RGN: variants seen among roughly 807,000 people sequenced by gnomAD.
The protein encoded by RGN is regucalcin.
Under a neutral mutation model 20.6 loss-of-function variants are expected in RGN, and 19 were observed. That is an observed-to-expected ratio of 0.92 (90% CI 0.64 to 1.35). RGN has a LOEUF of 1.35. Ranked by LOEUF, RGN falls within the 40% of genes most tolerant of loss-of-function variation. The probability of loss-of-function intolerance (pLI) is 0.00; values close to 1 mark genes in which losing one functional copy is unlikely to be tolerated. For missense variants in RGN, 302 were observed against 232.7 expected, an observed-to-expected ratio of 1.30 and a Z score of -1.94; for synonymous variants, 85 against 87.2, an observed-to-expected ratio of 0.97 and a Z score of 0.14.
rs1235749910 is a variant in RGN at position 47,080,895 on chromosome X, T to G, written c.-57T>G. 3.1e-6 allele frequency: 1 copy of G among 327,646 alleles called. No individual in the cohort carries two copies. Among genetic ancestry groups the G allele is most frequent in the Non-Finnish European group, 5.3e-6 (1 of 189,677 alleles). The allele number at this position is 327,646 out of a possible 1,213,427, so 27.0% of individuals were successfully genotyped here. A position where few individuals can be genotyped will look rare whatever the true frequency, so the allele number is the denominator to read the frequency against. On this transcript the variant is annotated 5_prime_UTR_variant, in exon 2 of 8. Coordinates refer to ENST00000397180, the MANE Select transcript of RGN (RefSeq NM_152869.4). Reference sequence around the variant, plus strand: ...GGAGTGGAGGTCAGAGTGTCACTTTTTTGTTTTCTTTTTGAAAGATCATTC... The same window carrying G: ...GGAGTGGAGGTCAGAGTGTCACTTTGTTGTTTTCTTTTTGAAAGATCATTC...
At chrX:47,090,956 G>GAAGGAAGGAAAGAA (rs1569540755) in intron 5 of RGN, among the ~76,000 whole-genome samples, 3 of 52,503 alleles carry the variant, frequency 5.7e-5, no homozygotes, top group East Asian at 7.8e-4. Context: ...AAGAAAGAAA[G>GAAGGAAGGAAAGAA]AAAGAAAGAA....
At chrX:47,086,734 G>GGAGAGAGACAGA in intron 4 of RGN, among the ~76,000 whole-genome samples, 1 of 50,501 alleles carries the variant, frequency 2.0e-5, no homozygotes, top group South Asian at 1.3e-3. Flanking sequence ...AGTGATAACA[G>GGAGAGAGACAGA]GAGAGAGAGA....
At chrX:47,084,053 G>A (rs781876971) in intron 3 of RGN, among the ~76,000 whole-genome samples, 19 of 110,978 alleles carry the variant, frequency 1.7e-4, no homozygotes, top group Admixed American at 7.8e-4. Context: ...GGCATCACTC[G>A]CTCTGTGATG....
chrX:47,083,927 A>AC (rs1930465854), intron 3 of RGN, among the ~76,000 whole-genome samples: 3 of 110,231 alleles, frequency 2.7e-5, no homozygotes, highest in African/African-American at 9.9e-5. Context: ...AAAACAAACA[A>AC]AAAAAAAAAT....
At chrX:47,078,881 C>G (rs1350443453) in intron 1 of RGN, among the ~76,000 whole-genome samples, 172 bp downstream of exon 1, 4 of 109,305 alleles carry the variant, frequency 3.7e-5, no homozygotes, top group African/African-American at 1.3e-4. Context: ...AAAAGTCGTG[C>G]CACTGCTCTT....
rs781961740 is a variant in RGN at position 47,089,950 on chromosome X, C to T, written c.521C>T (p.Ser174Phe). ...TATTACATTGACAGCCTGTCCTACT[C>T]CGTGGATGCCTTTGACTATGACCTG... ...IFYYIDSLSY[S>F]VDAFDYDLQT... The change falls in exon 5 of 8, where the codon TCC becomes TTC. Residue 174 changes from serine (S) to phenylalanine (F), a missense_variant. Physicochemically the swap from Ser to Phe is radical, Grantham distance 155. Coordinates refer to ENST00000397180, the MANE Select transcript of RGN (RefSeq NM_152869.4). 1 of 1,204,335 alleles carries T rather than the reference C, an allele frequency of 8.3e-7. No homozygotes were observed. The highest frequency in any genetic ancestry group is 1.8e-5 in the African/African-American group (1 of 56,768).
intron 5 of RGN, among the ~76,000 whole-genome samples, chrX:47,090,797 G>A (rs915788714): frequency 1.9e-5 from 2 of 105,650 alleles, no homozygotes; most frequent in Non-Finnish European, 3.9e-5. Flanking sequence ...CGGGAGGCAG[G>A]GGTTGCAGTG....
chrX:47,090,915 G>GAAAGAAAGAA lies in RGN; in HGVS notation c.563-763_563-762insAAAGAAAGAA, dbSNP rs1172006104. Among the ~76,000 whole-genome samples, 8 of 51,893 alleles carry GAAAGAAAGAA rather than the reference G, an allele frequency of 1.5e-4. No individual in the cohort carries two copies. In the East Asian group the frequency reaches 2.2e-3, roughly 14 times the overall value. The allele number at this position is 51,893 out of a possible 115,157, so 45.1% of individuals were successfully genotyped here. Reference sequence around the variant, plus strand: ...GAAGAAAGAAAGAAAGAAAGAAGAAGGAAAGAAAGAAAGAAAGAAAGAAAG... The same window carrying GAAAGAAAGAA: ...GAAGAAAGAAAGAAAGAAAGAAGAAGAAAGAAAGAAGAAAGAAAGAAAGAAAGAAAGAAAG... On this transcript the variant is annotated intron_variant, in intron 5 of 7. Coordinates refer to ENST00000397180, the MANE Select transcript of RGN (RefSeq NM_152869.4).
rs1491536743 is a variant in RGN at position 47,079,357 on chromosome X, T to TG, written c.-636+648_-636+649insG. ...GTTTGGGCTGAGGTTTTTTTGTTTG[T>TG]TTTTTTTTTTGTTTTGTTTTGGTTT... is the stretch of plus-strand genomic sequence containing the variant. On this transcript the variant is annotated intron_variant, in intron 1 of 7. Transcript: ENST00000397180. 1.7e-4 allele frequency among the ~76,000 whole-genome samples: 4 copies of TG among 23,712 alleles called. No individual in the cohort carries two copies. The African/African-American group carries it at 1.8e-3, about 11-fold the overall frequency. 20.6% of individuals were successfully genotyped at this position (23,712 alleles called of 115,157 possible). A position where few individuals can be genotyped will look rare whatever the true frequency, so the allele number is the denominator to read the frequency against.
At chrX:47,083,671 G>C (rs1161528546) in intron 3 of RGN, among the ~76,000 whole-genome samples, 2 of 112,107 alleles carry the variant, frequency 1.8e-5, no homozygotes, top group East Asian at 5.6e-4. Flanking sequence ...AACACTTTGT[G>C]AGGCCAAGGC....
intron 4 of RGN, among the ~76,000 whole-genome samples, 178 bp from the exon 5 acceptor site, chrX:47,089,598 T>TATAC (rs1411726377): frequency 2.4e-4 from 17 of 69,992 alleles, no homozygotes; most frequent in East Asian, 1.3e-3. Context: ...TATATATATA[T>TATAC]ACACACACAC....
Position 47,091,881 on chromosome X carries a change from A to ATT in RGN, c.694+74_694+75dup, listed in dbSNP as rs1262787831. On this transcript the variant is annotated intron_variant, in intron 6 of 7. Coordinates refer to ENST00000397180, the MANE Select transcript of RGN (RefSeq NM_152869.4). ...ATATAGCCCGAAAGTTACAGTCAGAATTTCTTTTCCTGTAGAGGTGCGACT... is the reference window on the plus strand; with the variant it reads ...ATATAGCCCGAAAGTTACAGTCAGAATTTTTCTTTTCCTGTAGAGGTGCGACT... 6.2e-6 allele frequency: 7 copies of ATT among 1,134,415 alleles called. No individual in the cohort carries two copies. The Admixed American group carries it at 1.1e-4, about 18-fold the overall frequency. The allele number at this position is 1,134,415 out of a possible 1,213,427, so 93.5% of individuals were successfully genotyped here. A position where few individuals can be genotyped will look rare whatever the true frequency, so the allele number is the denominator to read the frequency against.
At chrX:47,082,303 CTTTTTTTTT>C (rs11286766) in intron 3 of RGN, among the ~76,000 whole-genome samples, 1 of 59,259 alleles carries the variant, frequency 1.7e-5, no homozygotes, top group African/African-American at 6.6e-5. Context: ...GGGACCTCAA[CTTTTTTTTT>C]TTTTTTTTTT....
chrX:47,084,313 C>G (rs781819501), intron 3 of RGN, 105 bp from the exon 4 acceptor site: 10 of 661,750 alleles, frequency 1.5e-5, no homozygotes, highest in Non-Finnish European at 2.2e-6. Flanking sequence ...CCCATTGTCA[C>G]GAGAGCTGGG....
chrX:47,081,286 C>A lies in RGN; in HGVS notation c.142C>A (p.Gln48Lys). ...KVCRWDSFTK[Q>K]VQRVTMDAPV... ...TTGCCGGTGGGATTCATTCACCAAG[C>A]AAGTACAGCGAGTGACCATGGGTAA... is the stretch of plus-strand genomic sequence containing the variant. The change falls in exon 3 of 8, where the codon CAA (glutamine) becomes AAA (lysine). Residue 48 changes from glutamine (Q) to lysine (K), a missense_variant. By Grantham distance (53) the Gln-to-Lys change is moderately conservative. Transcript: ENST00000397180. The A allele has an allele frequency of 8.3e-7, 1 of 1,210,583 alleles. No homozygotes were observed. The highest frequency in any genetic ancestry group is 1.1e-6 in the Non-Finnish European group (1 of 894,864).
intron 7 of RGN, 75 bp downstream of exon 7, chrX:47,092,290 G>T: frequency 1.1e-6 from 1 of 895,489 alleles, no homozygotes; most frequent in African/African-American, 2.0e-5. Context: ...TGAGTGATTG[G>T]TACTTTTGCA....
intron 4 of RGN, among the ~76,000 whole-genome samples, chrX:47,086,734 G>GGAGAGAGACAGAGAGA: frequency 2.0e-5 from 1 of 50,501 alleles, no homozygotes; most frequent in East Asian, 7.6e-4. Flanking sequence ...AGTGATAACA[G>GGAGAGAGACAGAGAGA]GAGAGAGAGA....
chrX:47,092,799 T>C, intron 7 of RGN, 98 bp from the exon 8 acceptor site: 2 of 673,028 alleles, frequency 3.0e-6, no homozygotes, highest in Non-Finnish European at 4.7e-6. Flanking sequence ...ACAAAGATAA[T>C]AGGTGGCTAA....
chrX:47,082,464 C>T (rs1483531456), intron 3 of RGN, among the ~76,000 whole-genome samples: 1 of 109,554 alleles, frequency 9.1e-6, no homozygotes, highest in Non-Finnish European at 1.9e-5. Flanking sequence ...GCATGTGCCA[C>T]CACACCTAGC....
Sources: allele counts gnomAD v4.1 joint callset (sites outside exome capture counted in the v4.1 genomes callset), GRCh38; gene constraint gnomAD v4.1.1; transcripts MANE v1.5; gene names NCBI Gene and HGNC (gene_info 2026-07-23, HGNC 2026-07-21).